DOCK4: variants seen among roughly 807,000 people sequenced by gnomAD.
The protein encoded by DOCK4 is dedicator of cytokinesis protein 4.
DOCK4 carries 97 observed loss-of-function variants against 268.1 expected under a neutral mutation model. That is an observed-to-expected ratio of 0.36 (90% CI 0.31 to 0.43). DOCK4 has a LOEUF of 0.43. DOCK4 is among the 20% of genes least tolerant of loss of function. DOCK4 has a pLI of 1.00. For synonymous variants in DOCK4, 954 were observed against 887.2 expected, an observed-to-expected ratio of 1.08 and a Z score of -1.34; for missense variants, 2,145 against 2,455.7, an observed-to-expected ratio of 0.87 and a Z score of 2.67.
Position 111,769,683 on chromosome 7 carries a change from A to T in DOCK4, c.3680-6T>A. On this transcript the variant is annotated splice_polypyrimidine_tract_variant and splice_region_variant and intron_variant, in intron 36 of 52. Transcript: ENST00000428084. The stretch of plus-strand genomic sequence containing the variant: ...GAGGAGGGTATATGCAGCTTCTGCA[A>T]GTCACGTGAGAAGACAATGATTGAG... The T allele has an allele frequency of 6.2e-7, 1 of 1,612,568 alleles. No homozygotes were observed. The highest frequency in any genetic ancestry group is 2.2e-5 in the East Asian group (1 of 44,774).
intron 1 of DOCK4, among the ~76,000 whole-genome samples, chr7:112,091,542 G>C (rs1809628391): frequency 1.3e-5 from 2 of 152,070 alleles, no homozygotes; most frequent in African/African-American, 4.8e-5. Flanking sequence ...CCTGGTGCTG[G>C]GACATTTCCA....
chr7:111,756,948 C>T (rs915968464), intron 41 of DOCK4, among the ~76,000 whole-genome samples: 6 of 151,982 alleles, frequency 3.9e-5, no homozygotes, highest in African/African-American at 1.2e-4. Flanking sequence ...CAGGCACACA[C>T]GCCAGCCTGC....
At chr7:111,769,726 A>T in intron 36 of DOCK4, 49 bp from the exon 37 acceptor site, 1 of 1,578,280 alleles carries the variant, frequency 6.3e-7, no homozygotes, top group Non-Finnish European at 8.6e-7. Flanking sequence ...CCCAAGCCAC[A>T]TTCCCTCAAA....
chr7:112,049,135 T>G (rs1434821755), intron 1 of DOCK4, among the ~76,000 whole-genome samples: 1 of 152,216 alleles, frequency 6.6e-6, no homozygotes, highest in African/African-American at 2.4e-5. Flanking sequence ...TATTTTTTTT[T>G]GAATTTGCTA....
At chr7:112,194,887 CAT>C (rs1252831390) in intron 1 of DOCK4, among the ~76,000 whole-genome samples, 4 of 152,130 alleles carry the variant, frequency 2.6e-5, no homozygotes, top group Admixed American at 6.5e-5. Flanking sequence ...GGGCAAAGAA[CAT>C]AAATATTTAG....
rs530921332 is a variant in DOCK4, at chr7:112,069,231, T to C, written c.38-65100A>G. On this transcript the variant is annotated intron_variant, in intron 1 of 52. Coordinates refer to ENST00000428084, the MANE Select transcript of DOCK4 (RefSeq NM_001363540.2). ...TGTCATTGGGTGGATAACAGCTCAG[T>C]ACTTTTCTCCTGAGAAGATTGAGTT... 4.1e-4 allele frequency among the ~76,000 whole-genome samples: 63 copies of C among 152,316 alleles called. 1 individual carries two copies. The highest frequency in any genetic ancestry group is 1.3e-3 in the African/African-American group (55 of 41,592).
At chr7:111,905,899 G>C (rs1411041235) in intron 13 of DOCK4, among the ~76,000 whole-genome samples, 1 of 152,162 alleles carries the variant, frequency 6.6e-6, no homozygotes, top group Admixed American at 6.5e-5. Flanking sequence ...AGCAACAGCA[G>C]CAGCAGTACA....
intron 1 of DOCK4, among the ~76,000 whole-genome samples, chr7:112,121,733 A>C (rs1023671557): frequency 6.6e-6 from 1 of 152,186 alleles, no homozygotes; most frequent in Non-Finnish European, 1.5e-5. Context: ...CAACATACAG[A>C]TATTCAGGGT....
At position 111,735,057 on chromosome 7, in the gene DOCK4, T is replaced by A. The variant is rs781766350; in HGVS notation, c.5416A>T (p.Thr1806Ser). 1.3e-5 allele frequency: 20 copies of A among 1,574,038 alleles called. No individual in the cohort carries two copies. The Admixed American group carries it at 1.8e-4, about 14-fold the overall frequency. ...SPPVPPRPTQ[T>S]ASPARHTTSV... ...TTCAAATTCTTCAAATACCCACCAG[T>A]CTGTGTGGGTCTTGGAGGGACAGGG... Residue 1806 changes from threonine (T) to serine (S), a missense_variant, in exon 51 of 53, where the codon ACT becomes TCT. Thr to Ser is a moderately conservative substitution (Grantham distance 58). This residue lies in a region of DOCK4 where 547 missense variants were observed against 469.0 expected (regional missense o/e 1.17). Coordinates refer to ENST00000428084, the MANE Select transcript of DOCK4 (RefSeq NM_001363540.2).
At position 111,844,903 on chromosome 7, in the gene DOCK4, G is replaced by C; in HGVS notation, c.2602-6C>G. On this transcript the variant is annotated splice_region_variant and splice_polypyrimidine_tract_variant and intron_variant, in intron 24 of 52. Transcript: ENST00000428084. Reference sequence around the variant, plus strand: ...TCCTCCAGCACAGATTTTTCCTTAAGAGAAAAAAAATAATATGTTCAGGAA... The same window carrying C: ...TCCTCCAGCACAGATTTTTCCTTAACAGAAAAAAAATAATATGTTCAGGAA... 6.3e-7 allele frequency: 1 copy of C among 1,596,086 alleles called. No homozygotes were observed. The highest frequency in any genetic ancestry group is 8.5e-7 in the Non-Finnish European group (1 of 1,173,082).
intron 1 of DOCK4, among the ~76,000 whole-genome samples, chr7:112,171,496 A>T (rs1369173957): frequency 6.6e-6 from 1 of 150,602 alleles, no homozygotes; most frequent in Admixed American, 6.6e-5. Flanking sequence ...TCTTTAATAT[A>T]ATATTTGATC....
intron 8 of DOCK4, among the ~76,000 whole-genome samples, chr7:111,970,623 T>G (rs987613778): frequency 6.6e-6 from 1 of 152,202 alleles, no homozygotes; most frequent in African/African-American, 2.4e-5. Context: ...TGTAAAAACC[T>G]GGAAAACTCG....
At chr7:111,859,218 T>C (rs1401055394) in intron 23 of DOCK4, among the ~76,000 whole-genome samples, 1 of 152,138 alleles carries the variant, frequency 6.6e-6, no homozygotes, top group African/African-American at 2.4e-5. Flanking sequence ...ATGCTGGTAA[T>C]ACCTTAATTT....
intron 1 of DOCK4, among the ~76,000 whole-genome samples, chr7:112,173,435 C>T (rs1818246885): frequency 1.3e-5 from 2 of 152,274 alleles, no homozygotes; most frequent in African/African-American, 4.8e-5. Flanking sequence ...AGCTGTTTTA[C>T]AGGCAGCAGG....
At chr7:111,961,139 C>G (rs926022237) in intron 8 of DOCK4, among the ~76,000 whole-genome samples, 2 of 152,146 alleles carry the variant, frequency 1.3e-5, no homozygotes, top group African/African-American at 4.8e-5. Flanking sequence ...CCTCTGTCCT[C>G]TCTTTTGCTC....
At chr7:111,902,962 G>T (rs1413065588) in intron 13 of DOCK4, among the ~76,000 whole-genome samples, 1 of 151,824 alleles carries the variant, frequency 6.6e-6, no homozygotes, top group Non-Finnish European at 1.5e-5. Flanking sequence ...GCAGAGATGG[G>T]GTTTCACCCT....
chr7:111,774,510 A>G (rs1018390786), intron 36 of DOCK4, among the ~76,000 whole-genome samples: 2 of 152,182 alleles, frequency 1.3e-5, no homozygotes, highest in African/African-American at 2.4e-5. Context: ...ATGCAATGGG[A>G]AAAAAGAGAC....
intron 4 of DOCK4, among the ~76,000 whole-genome samples, chr7:111,996,007 T>C (rs1799927169): frequency 6.6e-6 from 1 of 152,226 alleles, no homozygotes; most frequent in Non-Finnish European, 1.5e-5. Flanking sequence ...GCGTTTGCAA[T>C]TTAAATGATG....
chr7:111,800,531 A>G (rs1800197010), intron 30 of DOCK4, among the ~76,000 whole-genome samples: 1 of 152,180 alleles, frequency 6.6e-6, no homozygotes, highest in Non-Finnish European at 1.5e-5. Flanking sequence ...CATCTAGTAA[A>G]AACAAAACGG....
Sources: gnomAD v4.1 joint callset for allele counts (sites outside exome capture counted in the v4.1 genomes callset) on GRCh38, gnomAD v4.1.1 for gene constraint, gnomAD v4.1.1 regional missense constraint, MANE v1.5 for transcripts, NCBI Gene and HGNC (gene_info 2026-07-23, HGNC 2026-07-21) for gene names.